MCC: variants seen among roughly 807,000 people sequenced by gnomAD.
MCC encodes colorectal mutant cancer protein.
A neutral mutation model predicts 116.2 loss-of-function variants in MCC; 90 were observed. The ratio of observed to expected loss-of-function variants is 0.77; its 90% CI spans 0.65 to 0.92. The LOEUF (loss-of-function observed/expected upper bound fraction) is 0.92, where lower values mean the gene tolerates loss of function less well. Among genes scored for constraint, MCC ranks in the 40% least tolerant of loss-of-function variants. The pLI, the probability that MCC is intolerant of heterozygous loss-of-function variation, is 0.00. For missense variants in MCC, 1,516 were observed against 1,312.2 expected, an observed-to-expected ratio of 1.16 and a Z score of -2.40; for synonymous variants, 578 against 510.5, an observed-to-expected ratio of 1.13 and a Z score of -1.78.
At chr5:113,185,155 G>C (rs1050036376) in intron 3 of MCC, among the ~76,000 whole-genome samples, 1 of 152,142 alleles carries the variant, frequency 6.6e-6, no homozygotes, top group African/African-American at 2.4e-5. Flanking sequence ...ATAAGGGGTT[G>C]AATTCATCCA....
At chr5:113,296,591 G>A (rs1367933369) in intron 3 of MCC, among the ~76,000 whole-genome samples, 1 of 152,146 alleles carries the variant, frequency 6.6e-6, no homozygotes, top group Non-Finnish European at 1.5e-5. Context: ...GAGCGGGCAT[G>A]GGGATCACAG....
chr5:113,045,130 T>A (rs1300866589), intron 16 of MCC, among the ~76,000 whole-genome samples: 1 of 152,166 alleles, frequency 6.6e-6, no homozygotes, highest in African/African-American at 2.4e-5. Flanking sequence ...GTATATCCAT[T>A]CCCATTTGAT....
chr5:113,186,595 C>G (rs1230151546), intron 3 of MCC, among the ~76,000 whole-genome samples: 1 of 152,168 alleles, frequency 6.6e-6, no homozygotes, highest in Admixed American at 6.5e-5. Flanking sequence ...TACAGCAGCA[C>G]TTGATGTAAA....
At chr5:113,221,007 A>T (rs373791656) in intron 3 of MCC, among the ~76,000 whole-genome samples, 1 of 152,216 alleles carries the variant, frequency 6.6e-6, no homozygotes, top group East Asian at 1.9e-4. Context: ...GTTCAAGACC[A>T]GCCTGGGCAG....
chr5:113,271,251 C>G (rs1581347581), intron 3 of MCC, among the ~76,000 whole-genome samples: 1 of 152,090 alleles, frequency 6.6e-6, no homozygotes, highest in African/African-American at 2.4e-5. Flanking sequence ...ACTCAGTTTC[C>G]CATCATTAAC....
At chr5:113,245,725 T>C (rs1209962127) in intron 3 of MCC, among the ~76,000 whole-genome samples, 2 of 152,180 alleles carry the variant, frequency 1.3e-5, no homozygotes, top group African/African-American at 2.4e-5. Flanking sequence ...CCTCATACTT[T>C]TATTTTCTCC....
At chr5:113,147,274 C>T (rs1358869886) in intron 4 of MCC, among the ~76,000 whole-genome samples, 1 of 152,204 alleles carries the variant, frequency 6.6e-6, no homozygotes, top group African/African-American at 2.4e-5. Context: ...CTCATCCCTG[C>T]TATGGTGCAA....
chr5:113,120,093 G>A (rs1478433445), intron 6 of MCC, among the ~76,000 whole-genome samples: 3 of 152,164 alleles, frequency 2.0e-5, no homozygotes, highest in Admixed American at 6.5e-5. Flanking sequence ...AGTGAATGGC[G>A]GGATCAGTAT....
chr5:113,255,065 T>A (rs977840344), intron 3 of MCC, among the ~76,000 whole-genome samples: 3 of 152,106 alleles, frequency 2.0e-5, no homozygotes, highest in Non-Finnish European at 4.4e-5. Context: ...CTCAGGAGGC[T>A]GAGGCAGAAA....
intron 14 of MCC, among the ~76,000 whole-genome samples, chr5:113,063,312 T>C (rs544030167): frequency 1.6e-4 from 24 of 152,336 alleles, no homozygotes; most frequent in African/African-American, 5.5e-4. Context: ...ATCCAAAGAA[T>C]GAAATGACTT....
chr5:113,372,987 G>A (rs1301690246), intron 2 of MCC, among the ~76,000 whole-genome samples: 1 of 152,062 alleles, frequency 6.6e-6, no homozygotes, highest in African/African-American at 2.4e-5. Flanking sequence ...GACCATCCTG[G>A]CTAACACCAT....
intron 3 of MCC, among the ~76,000 whole-genome samples, chr5:113,321,450 G>C (rs1203404780): frequency 6.6e-6 from 1 of 152,222 alleles, no homozygotes; most frequent in Non-Finnish European, 1.5e-5. Flanking sequence ...ATCTAAGTCA[G>C]AGCTCGGCCT....
intron 3 of MCC, among the ~76,000 whole-genome samples, chr5:113,319,291 G>A (rs1159211998): frequency 2.0e-5 from 3 of 152,220 alleles, no homozygotes; most frequent in Non-Finnish European, 2.9e-5. Flanking sequence ...CCTGGGGCCG[G>A]CCTTTTCCTT....
chr5:113,400,144 A>C (rs1275985070), intron 1 of MCC: 1 of 44,498 alleles, frequency 2.2e-5, no homozygotes, highest in African/African-American at 1.4e-4. Flanking sequence ...TTTTTTTGAG[A>C]TGGAGTCTTA....
At chr5:113,073,732 A>G (rs1054885565) in intron 11 of MCC, among the ~76,000 whole-genome samples, 14 of 151,516 alleles carry the variant, frequency 9.2e-5, no homozygotes, top group Non-Finnish European at 4.4e-5. Context: ...CTACCCACCG[A>G]AAAATTAACC....
rs1750430303 is a variant in MCC, at chr5:113,024,995, A to C, written c.*2307T>G. On this transcript the variant is annotated 3_prime_UTR_variant, in exon 19 of 19. Transcript: ENST00000408903. The stretch of plus-strand genomic sequence containing the variant: ...GAGTAAAACTGGGGCCCTTAACAGG[A>C]GCTGGAGCCGCCTCTGCCTGGGGGA... The C allele has an allele frequency of 6.9e-6, 1 of 144,154 alleles. No individual in the cohort carries two copies. Among genetic ancestry groups the C allele is most frequent in the Admixed American group, 7.1e-5 (1 of 14,046 alleles). The allele number at this position is 144,154 out of a possible 1,614,324, so 8.9% of individuals were successfully genotyped here.
At chr5:113,283,067 C>A (rs772364889) in intron 3 of MCC, among the ~76,000 whole-genome samples, 3 of 152,196 alleles carry the variant, frequency 2.0e-5, no homozygotes, top group Non-Finnish European at 4.4e-5. Context: ...TAGCCCGGCC[C>A]GACAAAGCAT....
intron 11 of MCC, among the ~76,000 whole-genome samples, chr5:113,075,144 C>T (rs1010787920): frequency 6.6e-6 from 1 of 152,232 alleles, no homozygotes; most frequent in Non-Finnish European, 1.5e-5. Flanking sequence ...CCGGCTGGTG[C>T]CACTGGCCCT....
At chr5:113,283,052 A>T (rs1163662254) in intron 3 of MCC, among the ~76,000 whole-genome samples, 1 of 152,238 alleles carries the variant, frequency 6.6e-6, no homozygotes, top group Non-Finnish European at 1.5e-5. Flanking sequence ...TCGGCCTGTG[A>T]AAAGTAGCCC....
Sources: gnomAD v4.1 joint callset for allele counts (sites outside exome capture counted in the v4.1 genomes callset) on GRCh38, gnomAD v4.1.1 for gene constraint, MANE v1.5 for transcripts, NCBI Gene and HGNC (gene_info 2026-07-23, HGNC 2026-07-21) for gene names.